SDK1: variants seen among roughly 807,000 people sequenced by gnomAD.
SDK1 encodes the protein protein sidekick-1.
Under a neutral mutation model 245.5 loss-of-function variants are expected in SDK1, and 157 were observed. The ratio of observed to expected loss-of-function variants is 0.64; its 90% confidence interval spans 0.56 to 0.73. The LOEUF is 0.73. Among genes scored for constraint, SDK1 ranks in the 30% least tolerant of loss-of-function variants. The pLI is 0.00. For synonymous variants in SDK1, 1,647 were observed against 1,278.5 expected, an observed-to-expected ratio of 1.29 and a Z score of -6.15; for missense variants, 3,583 against 3,002.3, an observed-to-expected ratio of 1.19 and a Z score of -4.52.
rs575606131 is a variant in SDK1, at chr7:4,258,144, C to T, written c.6382-6980C>T. On this transcript the variant is annotated intron_variant, in intron 44 of 44. Transcript: ENST00000404826. ...GAGGAAACATCAGGATACATAGCAA[C>T]ATATATACAAGCCGTGAAGGAAATG... 1.3e-5 allele frequency among the ~76,000 whole-genome samples: 2 copies of T among 152,328 alleles called. 1 individual carries two copies. The highest frequency in any genetic ancestry group is 4.8e-5 in the African/African-American group (2 of 41,566).
At chr7:3,692,773 A>G (rs1784470001) in intron 4 of SDK1, among the ~76,000 whole-genome samples, 1 of 152,122 alleles carries the variant, frequency 6.6e-6, no homozygotes, top group Non-Finnish European at 1.5e-5. Context: ...AATATGAAAC[A>G]TTCCCCTGTA....
At chr7:3,440,242 C>T (rs890631731) in intron 1 of SDK1, among the ~76,000 whole-genome samples, 6 of 152,280 alleles carry the variant, frequency 3.9e-5, no homozygotes, top group South Asian at 2.1e-4. Context: ...TTTTATAGAG[C>T]ATCTTTCTGC....
intron 5 of SDK1, among the ~76,000 whole-genome samples, chr7:3,823,533 G>T (rs1037630584): frequency 1.3e-5 from 2 of 152,168 alleles, no homozygotes; most frequent in African/African-American, 2.4e-5. Flanking sequence ...TTTGCAAACC[G>T]CTGTACTAGC....
chr7:3,682,709 G>A (rs1035414391), intron 4 of SDK1, among the ~76,000 whole-genome samples: 1 of 130,650 alleles, frequency 7.7e-6, no homozygotes, highest in Non-Finnish European at 1.6e-5. Flanking sequence ...CAAATCAAGC[G>A]TTTGGATTTA....
intron 1 of SDK1, among the ~76,000 whole-genome samples, chr7:3,519,830 A>G (rs986851161): frequency 5.9e-5 from 9 of 152,192 alleles, no homozygotes; most frequent in African/African-American, 1.9e-4. Context: ...TGCTAAACTT[A>G]TAAGAAGTAT....
At chr7:3,704,101 T>C (rs951441624) in intron 4 of SDK1, among the ~76,000 whole-genome samples, 1 of 152,176 alleles carries the variant, frequency 6.6e-6, no homozygotes, top group Non-Finnish European at 1.5e-5. Flanking sequence ...CCTTTGCGTA[T>C]CCACAGCTTT....
At position 4,149,315 on chromosome 7, in the gene SDK1, C is replaced by T. The variant is rs146602325; in HGVS notation, c.4477C>T (p.Arg1493Cys). The T allele has an allele frequency of 2.5e-4, 404 of 1,588,488 alleles. 3 individuals are homozygous for T. The South Asian group carries it at 2.5e-3, about 10-fold the overall frequency. The change falls in exon 30 of 45, where the codon CGC becomes TGC. Residue 1493 changes from arginine to cysteine, a missense_variant. Physicochemically the swap from Arg to Cys is radical, Grantham distance 180. Transcript: ENST00000404826. ...LLVPQAEVTARSLRLQWVPGS... is the reference protein window; with the variant it reads ...LLVPQAEVTACSLRLQWVPGS... ...GGTGCCCCAGGCAGAAGTGACCGCA[C>T]GCAGCCTCCGGCTCCAGTGGGTCCC...
intron 22 of SDK1, among the ~76,000 whole-genome samples, chr7:4,093,760 G>A (rs563442696): frequency 4.1e-4 from 62 of 152,322 alleles, no homozygotes; most frequent in African/African-American, 1.5e-3. Context: ...CTAAGCACAC[G>A]CTGTGCCGAG....
chr7:3,568,455 C>A (rs889693662), intron 1 of SDK1, among the ~76,000 whole-genome samples: 1 of 151,962 alleles, frequency 6.6e-6, no homozygotes, highest in Admixed American at 6.6e-5. Flanking sequence ...TTCTTCTGGC[C>A]GGAGACCATG....
At chr7:3,793,649 A>G (rs1009353262) in intron 4 of SDK1, among the ~76,000 whole-genome samples, 1 of 152,162 alleles carries the variant, frequency 6.6e-6, no homozygotes, top group Non-Finnish European at 1.5e-5. Context: ...GAAGCTACAA[A>G]CTGTATCTTT....
intron 2 of SDK1, among the ~76,000 whole-genome samples, chr7:3,624,129 C>T (rs151115483): frequency 3.3e-5 from 5 of 152,318 alleles, no homozygotes; most frequent in East Asian, 1.9e-4. Context: ...ATAAAAATTA[C>T]AGTTCCTTTG....
chr7:3,537,957 A>T (rs1562548433), intron 1 of SDK1, among the ~76,000 whole-genome samples: 1 of 152,180 alleles, frequency 6.6e-6, no homozygotes, highest in Non-Finnish European at 1.5e-5. Flanking sequence ...GTGCTCCTCC[A>T]GGGTGGAGAG....
intron 4 of SDK1, among the ~76,000 whole-genome samples, chr7:3,687,327 C>T (rs1374085314): frequency 6.6e-6 from 1 of 152,068 alleles, no homozygotes; most frequent in Non-Finnish European, 1.5e-5. Context: ...TGGGGTTTCA[C>T]TATGTTGGCC....
At chr7:3,496,013 G>A (rs1054963465) in intron 1 of SDK1, among the ~76,000 whole-genome samples, 1 of 152,156 alleles carries the variant, frequency 6.6e-6, no homozygotes, top group Non-Finnish European at 1.5e-5. Context: ...CATTAAATAA[G>A]ATCTTAATTG....
chr7:3,847,139 C>T (rs934046788), intron 5 of SDK1, among the ~76,000 whole-genome samples: 1 of 152,024 alleles, frequency 6.6e-6, no homozygotes, highest in Admixed American at 6.6e-5. Flanking sequence ...ATGCCTCTCA[C>T]GTACACCTGA....
In SDK1 at chr7:3,969,438, C is replaced by G. The variant is rs1241736923; in HGVS notation, c.1714+14C>G. ...TCACTGTGTGGAGTAAGGAGCAGCCCTCGCACGTCGGCCTTCTGTTAGCCA... is the reference window on the plus strand; with the variant it reads ...TCACTGTGTGGAGTAAGGAGCAGCCGTCGCACGTCGGCCTTCTGTTAGCCA... On this transcript the variant is annotated intron_variant, in intron 11 of 44. Coordinates refer to ENST00000404826, the MANE Select transcript of SDK1 (RefSeq NM_152744.4). The G allele has an allele frequency of 6.6e-7, 1 of 1,524,744 alleles. No homozygotes were observed. Among genetic ancestry groups the G allele is most frequent in the East Asian group, 2.4e-5 (1 of 41,170 alleles). The allele number at this position is 1,524,744 out of a possible 1,614,324, so 94.5% of individuals were successfully genotyped here.
chr7:4,079,629 T>A, intron 22 of SDK1, 45 bp downstream of exon 22: 1 of 1,607,600 alleles, frequency 6.2e-7, no homozygotes, highest in South Asian at 1.1e-5. Flanking sequence ...CGAAGAGCAG[T>A]GTTGGGGCCT....
intron 5 of SDK1, among the ~76,000 whole-genome samples, chr7:3,906,177 G>T (rs1778915314): frequency 6.6e-6 from 1 of 152,016 alleles, no homozygotes; most frequent in African/African-American, 2.4e-5. Flanking sequence ...TAATTCCAAT[G>T]ACTATATTTT....
intron 1 of SDK1, among the ~76,000 whole-genome samples, chr7:3,365,404 G>A (rs1294909693): frequency 6.6e-6 from 1 of 152,140 alleles, no homozygotes; most frequent in Non-Finnish European, 1.5e-5. Context: ...CATTACTTCA[G>A]AACTCTTTCA....
Sources: allele counts gnomAD v4.1 joint callset (sites outside exome capture counted in the v4.1 genomes callset), GRCh38; gene constraint gnomAD v4.1.1; transcripts MANE v1.5; gene names NCBI Gene and HGNC (gene_info 2026-07-23, HGNC 2026-07-21).